The following RPN1 variants were observed in gnomAD, a reference collection of about 807,000 sequenced individuals.
RPN1 encodes dolichyl-diphosphooligosaccharide--protein glycosyltransferase subunit 1.
In RPN1, 12 loss-of-function variants were observed where a neutral mutation model predicts 55.5. The observed-to-expected ratio is 0.22, with a 90% CI of 0.14 to 0.35. RPN1 has a LOEUF of 0.35. Ranked by LOEUF, RPN1 falls within the 10% of genes least tolerant of loss-of-function variation. RPN1 has a pLI of 1.00. For missense variants in RPN1, 679 were observed against 761.3 expected (o/e 0.89, Z 1.27); for synonymous variants, 317 against 305.9 (o/e 1.04, Z -0.38).
At chr3:128,633,182 G>C (rs1373066579) in intron 3 of RPN1, among the ~76,000 whole-genome samples, 1 of 151,296 alleles carries the variant, frequency 6.6e-6, no homozygotes, top group Non-Finnish European at 1.5e-5. Flanking sequence ...TAAATCTTTT[G>C]AAAAACTACT....
Position 128,625,607 on chromosome 3 carries a change from A to C in RPN1, c.1322T>G (p.Leu441Arg). Residue 441 changes from leucine (L) to arginine (R), a missense_variant, in exon 8 of 10, where the codon CTG becomes CGG. Physicochemically the swap from Leu to Arg is moderately radical, Grantham distance 102. Coordinates refer to ENST00000296255, the MANE Select transcript of RPN1 (RefSeq NM_002950.4). ...NKVLMLQEPL[L>R]VVAAFYILFF... Reference sequence around the variant, plus strand: ...CAGGATGTAGAAGGCCGCCACCACCAGCAGGGGCTCCTGCAGCATGAGCAC... The same window carrying C: ...CAGGATGTAGAAGGCCGCCACCACCCGCAGGGGCTCCTGCAGCATGAGCAC... 3 of 1,614,120 alleles carry C rather than the reference A, an allele frequency of 1.9e-6. No individual in the cohort carries two copies. The highest frequency in any genetic ancestry group is 2.5e-6 in the Non-Finnish European group (3 of 1,180,024).
chr3:128,643,804 A>AT (rs1345116205), intron 2 of RPN1, among the ~76,000 whole-genome samples: 2 of 151,996 alleles, frequency 1.3e-5, no homozygotes, highest in East Asian at 1.9e-4. Flanking sequence ...AAAAAAAAAA[A>AT]ATACAAAAAT....
chr3:128,620,968 T>C (rs1177266413), intron 9 of RPN1, among the ~76,000 whole-genome samples: 1 of 152,062 alleles, frequency 6.6e-6, no homozygotes, highest in East Asian at 1.9e-4. Flanking sequence ...TCAAATCAGT[T>C]CCAGGGATTC....
Position 128,630,157 on chromosome 3 carries a change from G to T in RPN1, c.844-14C>A, listed in dbSNP as rs377258310. On this transcript the variant is annotated splice_polypyrimidine_tract_variant and intron_variant, in intron 4 of 9. Coordinates refer to ENST00000296255, the MANE Select transcript of RPN1 (RefSeq NM_002950.4). ...AGGAAGGATGGTCTGCAAGAGAGTG[G>T]ATATGCCCTTCTAAAACTCCAGGAA... 6 of 1,586,690 alleles carry T rather than the reference G, an allele frequency of 3.8e-6. No individual in the cohort carries two copies. The highest frequency in any genetic ancestry group is 8.6e-7 in the Non-Finnish European group (1 of 1,161,068).
chr3:128,641,609 CTTTT>C (rs200507415), intron 2 of RPN1, among the ~76,000 whole-genome samples: 3 of 120,386 alleles, frequency 2.5e-5, no homozygotes, highest in Non-Finnish European at 3.4e-5. Context: ...TTTAGTGAAT[CTTTT>C]TTTTTTTTTT....
chr3:128,630,972 G>A (rs530101894), intron 4 of RPN1, among the ~76,000 whole-genome samples: 141 of 151,992 alleles, frequency 9.3e-4, no homozygotes, highest in African/African-American at 3.3e-3. Flanking sequence ...AATTAGCTGG[G>A]CATGGTGGCG....
intron 2 of RPN1, 64 bp downstream of exon 2, chr3:128,644,855 C>A: frequency 3.3e-6 from 3 of 908,460 alleles, no homozygotes; most frequent in Non-Finnish European, 5.5e-6. Flanking sequence ...GTTTATGATC[C>A]CATATGATCC....
chr3:128,620,014 TTA>T lies in RPN1; in HGVS notation c.*395_*396del. ...TTATTTCCATTTGTTCACACACGCT[TTA>T]AAAAAAAAAAAAAAAACACATGCAC... On this transcript the variant is annotated 3_prime_UTR_variant, in exon 10 of 10. Transcript: ENST00000296255. The T allele has an allele frequency of 2.7e-5, 5 of 184,158 alleles. No individual in the cohort carries two copies. The highest frequency in any genetic ancestry group is 1.7e-3 in the Middle Eastern group (1 of 600). 11.4% of individuals were successfully genotyped at this position (184,158 alleles called of 1,614,324 possible).
intron 2 of RPN1, among the ~76,000 whole-genome samples, chr3:128,641,926 A>G (rs2069728645): frequency 6.6e-6 from 1 of 152,096 alleles, no homozygotes; most frequent in East Asian, 1.9e-4. Context: ...AGTGACTCTT[A>G]GCCATGATCA....
chr3:128,646,883 G>C (rs1252928040), intron 1 of RPN1, among the ~76,000 whole-genome samples: 2 of 151,172 alleles, frequency 1.3e-5, no homozygotes, highest in Non-Finnish European at 2.9e-5. Flanking sequence ...TGAGGCAGGA[G>C]AATCACTTGA....
chr3:128,625,776 T>C, intron 7 of RPN1, 98 bp downstream of exon 7: 1 of 1,563,618 alleles, frequency 6.4e-7, no homozygotes, highest in African/African-American at 1.4e-5. Context: ...TGAGCTCAAA[T>C]GACTCCAGCC....
intron 2 of RPN1, chr3:128,641,081 A>C (rs2069720637): frequency 6.6e-6 from 1 of 152,054 alleles, no homozygotes; most frequent in Non-Finnish European, 1.5e-5. Context: ...GTCTAAACTG[A>C]TGTACATGGA....
At chr3:128,636,229 G>C (rs1464413503) in intron 3 of RPN1, among the ~76,000 whole-genome samples, 4 of 152,134 alleles carry the variant, frequency 2.6e-5, no homozygotes, top group African/African-American at 9.7e-5. Flanking sequence ...GGGAGGCCGA[G>C]GCAGGCGGAT....
chr3:128,629,629 T>A (rs2069627223), intron 5 of RPN1, among the ~76,000 whole-genome samples: 1 of 152,198 alleles, frequency 6.6e-6, no homozygotes, highest in Non-Finnish European at 1.5e-5. Context: ...GGTGTTCATA[T>A]AAAAGTGTTT....
intron 1 of RPN1, among the ~76,000 whole-genome samples, chr3:128,647,106 T>A (rs2069774718): frequency 6.6e-6 from 1 of 152,056 alleles, no homozygotes; most frequent in African/African-American, 2.4e-5. Flanking sequence ...CTGCAGGGGT[T>A]TTCTGAGAAA....
At chr3:128,628,126 G>A (rs2069613675) in intron 5 of RPN1, among the ~76,000 whole-genome samples, 1 of 151,652 alleles carries the variant, frequency 6.6e-6, no homozygotes, top group Admixed American at 6.6e-5. Flanking sequence ...GCGTAGTGGT[G>A]CATGCCTGTA....
chr3:128,636,997 G>A (rs1285422416), intron 3 of RPN1, among the ~76,000 whole-genome samples: 1 of 152,186 alleles, frequency 6.6e-6, no homozygotes, highest in Non-Finnish European at 1.5e-5. Context: ...AGCACTTTGG[G>A]AGACAAAGGC....
At chr3:128,635,650 T>TAGATAG (rs1559755852) in intron 3 of RPN1, among the ~76,000 whole-genome samples, 7 of 27,060 alleles carry the variant, frequency 2.6e-4, no homozygotes, top group Admixed American at 9.1e-4. Flanking sequence ...GATATATATA[T>TAGATAG]ATATATATAT....
chr3:128,625,498 C>T, intron 8 of RPN1, 36 bp downstream of exon 8: 1 of 1,613,836 alleles, frequency 6.2e-7, no homozygotes, highest in Non-Finnish European at 8.5e-7. Flanking sequence ...TTACCAAGGA[C>T]ACAAATGACA....
Sources: gnomAD v4.1 joint callset for allele counts (sites outside exome capture counted in the v4.1 genomes callset) on GRCh38, gnomAD v4.1.1 for gene constraint, MANE v1.5 for transcripts, NCBI Gene and HGNC (gene_info 2026-07-23, HGNC 2026-07-21) for gene names.